The following INPP4B variants were observed in gnomAD, a reference collection of about 807,000 sequenced individuals.
INPP4B encodes the protein inositol polyphosphate-4-phosphatase type II B.
Under a neutral mutation model 122.5 loss-of-function variants are expected in INPP4B, and 55 were observed. The observed-to-expected ratio is 0.45, with a 90% CI of 0.36 to 0.56. The LOEUF is 0.56. Among genes scored for constraint, INPP4B ranks in the 20% least tolerant of loss-of-function variants. The pLI, the probability that INPP4B is intolerant of heterozygous loss-of-function variation, is 0.00. For missense variants in INPP4B, 1,000 were observed against 1,097.7 expected (o/e 0.91, Z 1.26); for synonymous variants, 403 against 388.7 (o/e 1.04, Z -0.43).
chr4:142,054,490 T>C (rs1013833396), intron 25 of INPP4B, among the ~76,000 whole-genome samples: 4 of 152,006 alleles, frequency 2.6e-5, no homozygotes, highest in South Asian at 2.1e-4. Context: ...GGGAGAATGA[T>C]TGCCATTGGA....
intron 11 of INPP4B, among the ~76,000 whole-genome samples, chr4:142,253,202 T>C (rs1324031116): frequency 6.6e-6 from 1 of 152,178 alleles, no homozygotes; most frequent in Non-Finnish European, 1.5e-5. Context: ...TAGAAGAAGG[T>C]GCTCTGGATG....
At chr4:142,117,094 C>G (rs1282531293) in intron 21 of INPP4B, among the ~76,000 whole-genome samples, 1 of 152,090 alleles carries the variant, frequency 6.6e-6, no homozygotes, top group Non-Finnish European at 1.5e-5. Flanking sequence ...CACATATACC[C>G]TCCCAAGACT....
intron 25 of INPP4B, among the ~76,000 whole-genome samples, chr4:142,032,490 A>C (rs1740912925): frequency 6.6e-6 from 1 of 152,220 alleles, no homozygotes; most frequent in African/African-American, 2.4e-5. Context: ...GTGGTTCTAG[A>C]TGGCTCATTG....
At chr4:142,223,504 T>C (rs1029321256) in intron 12 of INPP4B, among the ~76,000 whole-genome samples, 3 of 152,178 alleles carry the variant, frequency 2.0e-5, no homozygotes, top group African/African-American at 7.2e-5. Flanking sequence ...AAAATGTGCT[T>C]CTAAATGAGT....
chr4:142,816,840 T>TA (rs955251644), intron 1 of INPP4B, among the ~76,000 whole-genome samples: 4 of 152,108 alleles, frequency 2.6e-5, no homozygotes, highest in African/African-American at 4.8e-5. Flanking sequence ...CCACTCTAGA[T>TA]ATTGGGAAAC....
intron 25 of INPP4B, among the ~76,000 whole-genome samples, chr4:142,074,408 A>G (rs577583292): frequency 2.2e-4 from 33 of 152,232 alleles, no homozygotes; most frequent in African/African-American, 7.7e-4. Flanking sequence ...TTACAGTACA[A>G]GTATTGGGAT....
rs368033207 is a variant in INPP4B at position 142,318,440 on chromosome 4, AC to A, written c.373-3679del. ...TGTAGCATTTGGAATATTCTGGTTC[AC>A]CGACAATGTCATGCCTCCTGAGAAT... On this transcript the variant is annotated intron_variant, in intron 7 of 25. Coordinates refer to ENST00000262992, the MANE Select transcript of INPP4B (RefSeq NM_001101669.3). Among the ~76,000 whole-genome samples, 691 of 152,284 alleles carry A rather than the reference AC, an allele frequency of 4.5e-3. 17 individuals carry two copies. Among genetic ancestry groups the A allele is most frequent in the Admixed American group, 0.041 (624 of 15,282 alleles).
chr4:142,720,735 T>TATATATGTATATATACATATATATATAA lies in INPP4B; in HGVS notation c.-191+5103_-191+5104insTTATATATATATGTATATATACATATAT, dbSNP rs1308644471. Among the ~76,000 whole-genome samples the TATATATGTATATATACATATATATATAA allele has an allele frequency of 6.4e-3, 580 of 90,560 alleles. 44 individuals carry two copies. The highest frequency in any genetic ancestry group is 0.013 in the Middle Eastern group (2 of 156). The allele number at this position is 90,560 out of a possible 152,430, so 59.4% of individuals were successfully genotyped here. A position where few individuals can be genotyped will look rare whatever the true frequency, so the allele number is the denominator to read the frequency against. Reference sequence around the variant, plus strand: ...CTGTATATGTGTATATATATACATATATATATATATATACATATATATATA... The same window carrying TATATATGTATATATACATATATATATAA: ...CTGTATATGTGTATATATATACATATATATATGTATATATACATATATATATAAATATATATATATACATATATATATA... On this transcript the variant is annotated intron_variant, in intron 2 of 25. Coordinates refer to ENST00000262992, the MANE Select transcript of INPP4B (RefSeq NM_001101669.3).
At chr4:142,231,819 G>A (rs1854497468) in intron 12 of INPP4B, among the ~76,000 whole-genome samples, 1 of 152,022 alleles carries the variant, frequency 6.6e-6, no homozygotes, top group South Asian at 2.1e-4. Flanking sequence ...ATACATAAAT[G>A]TTTCAAATCG....
intron 2 of INPP4B, among the ~76,000 whole-genome samples, chr4:142,635,953 G>T (rs1467210390): frequency 1.3e-5 from 2 of 151,976 alleles, no homozygotes; most frequent in South Asian, 2.1e-4. Context: ...AATAATTTTC[G>T]GTGATATGTG....
chr4:142,805,884 C>T (rs1260567160), intron 1 of INPP4B, among the ~76,000 whole-genome samples: 1 of 152,004 alleles, frequency 6.6e-6, no homozygotes, highest in African/African-American at 2.4e-5. Flanking sequence ...GTGTTGGCAC[C>T]CATAAATCCC....
At chr4:142,564,906 G>A (rs1320965905) in intron 2 of INPP4B, among the ~76,000 whole-genome samples, 2 of 152,050 alleles carry the variant, frequency 1.3e-5, no homozygotes, top group Non-Finnish European at 2.9e-5. Context: ...AAATATATAA[G>A]GTTATAATAT....
chr4:142,361,425 C>A (rs772658830), intron 7 of INPP4B, among the ~76,000 whole-genome samples: 33 of 151,908 alleles, frequency 2.2e-4, no homozygotes, highest in Non-Finnish European at 4.1e-4. Context: ...GTCGATTCGC[C>A]ACTTCTTCCT....
At position 142,846,135 on chromosome 4, in the gene INPP4B, G is replaced by T. The variant is rs6846609; in HGVS notation, c.-254+74C>A. On this transcript the variant is annotated intron_variant, in intron 1 of 25. Transcript: ENST00000262992. The surrounding 1 kb of genome is among the most constrained non-coding windows in gnomAD (Gnocchi z 5.1). ...TCTCAGACACGCTCCCTCGCCTCCC[G>T]GATTACCCACCATCAACCACCCCAC... 44,682 of 151,706 alleles carry T rather than the reference G, an allele frequency of 0.29. 6,764 individuals carry two copies. The highest frequency in any genetic ancestry group is 0.35 in the South Asian group (1,655 of 4,766). The allele number at this position is 151,706 out of a possible 1,614,324, so 9.4% of individuals were successfully genotyped here.
intron 2 of INPP4B, among the ~76,000 whole-genome samples, chr4:142,721,229 A>G (rs1764617733): frequency 6.6e-6 from 1 of 151,860 alleles, no homozygotes; most frequent in African/African-American, 2.4e-5. Flanking sequence ...CCCAAACCCA[A>G]TAGGCCTAAT....
intron 2 of INPP4B, among the ~76,000 whole-genome samples, chr4:142,696,275 C>A (rs1313526503): frequency 1.3e-5 from 2 of 152,102 alleles, no homozygotes; most frequent in African/African-American, 4.8e-5. Flanking sequence ...AGCATTTATA[C>A]CATCCTCAAG....
chr4:142,646,145 T>C (rs905468550), intron 2 of INPP4B, among the ~76,000 whole-genome samples: 2 of 152,182 alleles, frequency 1.3e-5, no homozygotes, highest in Admixed American at 6.5e-5. Flanking sequence ...AGTATATACA[T>C]TTATCAAAAC....
rs114486645 is a variant in INPP4B, at chr4:142,030,033, T to C, written c.2643-1119A>G. 6,574 of 1,380,312 alleles carry C rather than the reference T, an allele frequency of 4.8e-3. 24 individuals are homozygous for C. Among genetic ancestry groups the C allele is most frequent in the Middle Eastern group, 0.013 (55 of 4,236 alleles). The allele number at this position is 1,380,312 out of a possible 1,614,324, so 85.5% of individuals were successfully genotyped here. ...ACACAATTTAACATTTTTTAAATTCTGTGAATTTGAAAATGTAAAAATATT... is the reference window on the plus strand; with the variant it reads ...ACACAATTTAACATTTTTTAAATTCCGTGAATTTGAAAATGTAAAAATATT... On this transcript the variant is annotated intron_variant, in intron 25 of 25. Transcript: ENST00000262992.
At chr4:142,202,669 T>C in intron 14 of INPP4B, 13 of 900,734 alleles carry the variant, frequency 1.4e-5, no homozygotes, top group Non-Finnish European at 1.7e-5. Flanking sequence ...CTGTTGGACC[T>C]GATTTCACCT....
Sources: gnomAD v4.1 joint callset for allele counts (sites outside exome capture counted in the v4.1 genomes callset) on GRCh38, gnomAD v4.1.1 for gene constraint, Gnocchi (gnomAD v3.1) non-coding constraint, MANE v1.5 for transcripts, NCBI Gene and HGNC (gene_info 2026-07-23, HGNC 2026-07-21) for gene names.